ZBTB20: variants seen among roughly 807,000 people sequenced by gnomAD.
The protein encoded by ZBTB20 is zinc finger and BTB domain containing 20.
A neutral mutation model predicts 56.9 loss-of-function variants in ZBTB20; 9 were observed. That is an observed-to-expected ratio of 0.16 (90% CI 0.10 to 0.28). The LOEUF is 0.28. ZBTB20 is among the 10% of genes least tolerant of loss of function. The probability of loss-of-function intolerance (pLI) is 1.00; values close to 1 mark genes in which losing one functional copy is unlikely to be tolerated. For missense variants in ZBTB20, 655 were observed against 1,003.0 expected (o/e 0.65, Z 4.69); for synonymous variants, 417 against 420.7 (o/e 0.99, Z 0.11).
intron 5 of ZBTB20, among the ~76,000 whole-genome samples, chr3:114,708,224 T>C (rs1043087178): frequency 5.3e-5 from 8 of 152,176 alleles, no homozygotes; most frequent in Middle Eastern, 3.2e-3. Context: ...ACTCTAAGTG[T>C]TAACCTTAAG....
intron 4 of ZBTB20, among the ~76,000 whole-genome samples, chr3:114,883,297 C>T (rs1036334183): frequency 1.3e-5 from 2 of 152,122 alleles, no homozygotes; most frequent in African/African-American, 4.8e-5. Context: ...ATTGAATAAA[C>T]TAAATATTAT....
chr3:114,571,910 C>A lies in ZBTB20; in HGVS notation c.-294-71519G>T, dbSNP rs548867928. On this transcript the variant is annotated intron_variant, in intron 6 of 11. Transcript: ENST00000675478. ...TCTCTAATTCTATATCCAGCGACAG[C>A]CCTGCTGCTACACCTGTATACTCTG... Among the ~76,000 whole-genome samples, 82 of 152,260 alleles carry A rather than the reference C, an allele frequency of 5.4e-4. 2 individuals are homozygous for A. Among genetic ancestry groups the A allele is most frequent in the African/African-American group, 1.6e-3 (68 of 41,570 alleles).
chr3:115,086,174 G>C (rs1156768244), intron 1 of ZBTB20, among the ~76,000 whole-genome samples: 1 of 151,590 alleles, frequency 6.6e-6, no homozygotes, highest in Non-Finnish European at 1.5e-5. Context: ...ATTTGTCCCC[G>C]GGATTACCTA....
chr3:114,385,433 C>T (rs762902455), intron 8 of ZBTB20, among the ~76,000 whole-genome samples: 2 of 152,262 alleles, frequency 1.3e-5, no homozygotes, highest in Middle Eastern at 3.4e-3. Flanking sequence ...TAATACCTAC[C>T]GCTTAGGGTT....
At chr3:115,114,473 A>G (rs1442141662) in intron 1 of ZBTB20, among the ~76,000 whole-genome samples, 1 of 152,204 alleles carries the variant, frequency 6.6e-6, no homozygotes, top group East Asian at 1.9e-4. Context: ...GTAAATTTCC[A>G]TCTTCAGATG....
intron 3 of ZBTB20, among the ~76,000 whole-genome samples, chr3:114,944,456 T>A (rs567206763): frequency 6.9e-6 from 1 of 145,628 alleles, no homozygotes; most frequent in South Asian, 2.1e-4. Context: ...AACTACCATA[T>A]GATCCAGTAA....
intron 2 of ZBTB20, among the ~76,000 whole-genome samples, chr3:114,986,589 AT>A (rs1461679941): frequency 6.6e-6 from 1 of 152,084 alleles, no homozygotes; most frequent in East Asian, 1.9e-4. Flanking sequence ...ATTTACATCT[AT>A]TATAACAATT....
chr3:115,047,197 G>T (rs2081364137), intron 2 of ZBTB20, among the ~76,000 whole-genome samples: 1 of 152,176 alleles, frequency 6.6e-6, no homozygotes, highest in South Asian at 2.1e-4. Flanking sequence ...AATTCTGAAT[G>T]AAGTCTTTGT....
At chr3:114,703,868 T>C (rs2063547267) in intron 5 of ZBTB20, among the ~76,000 whole-genome samples, 1 of 152,208 alleles carries the variant, frequency 6.6e-6, no homozygotes, top group Admixed American at 6.5e-5. Context: ...TGTCTATATG[T>C]AGAAATAGGC....
chr3:114,395,307 A>G (rs900600943), intron 7 of ZBTB20, among the ~76,000 whole-genome samples: 1 of 152,144 alleles, frequency 6.6e-6, no homozygotes, highest in African/African-American at 2.4e-5. Context: ...TAGAAAGTGT[A>G]AGATAAGAAA....
chr3:114,369,109 T>C (rs1248321053), intron 10 of ZBTB20, among the ~76,000 whole-genome samples: 1 of 152,118 alleles, frequency 6.6e-6, no homozygotes, highest in East Asian at 1.9e-4. Flanking sequence ...AAATACCTGG[T>C]TAAGATATGA....
intron 6 of ZBTB20, among the ~76,000 whole-genome samples, chr3:114,566,598 C>T (rs891739902): frequency 1.3e-5 from 2 of 152,164 alleles, no homozygotes; most frequent in African/African-American, 4.8e-5. Context: ...TCCAATTCTG[C>T]TTTTATTAGT....
chr3:115,033,576 T>A (rs1030695318), intron 2 of ZBTB20, among the ~76,000 whole-genome samples: 64 of 151,770 alleles, frequency 4.2e-4, no homozygotes, highest in African/African-American at 1.5e-3. Context: ...TGCACTCTTA[T>A]ATTTGTTGCA....
At chr3:114,970,158 T>C (rs962180623) in intron 3 of ZBTB20, among the ~76,000 whole-genome samples, 1 of 152,186 alleles carries the variant, frequency 6.6e-6, no homozygotes, top group Non-Finnish European at 1.5e-5. Flanking sequence ...AGTGTATTAG[T>C]AACACTTCCT....
intron 6 of ZBTB20, among the ~76,000 whole-genome samples, chr3:114,679,939 G>T (rs781639121): frequency 6.6e-6 from 1 of 152,146 alleles, no homozygotes; most frequent in African/African-American, 2.4e-5. Context: ...ATATACACAT[G>T]GAATACTATG....
chr3:114,590,076 A>G (rs995188846), intron 6 of ZBTB20, among the ~76,000 whole-genome samples: 2 of 152,232 alleles, frequency 1.3e-5, no homozygotes, highest in Non-Finnish European at 2.9e-5. Flanking sequence ...GTGAAATGTG[A>G]TAAATTTTCC....
intron 3 of ZBTB20, among the ~76,000 whole-genome samples, chr3:114,913,656 G>T (rs779166810): frequency 7.9e-5 from 12 of 151,232 alleles, no homozygotes; most frequent in African/African-American, 9.7e-5. Context: ...TATTTGCCCA[G>T]TCAAATGTCC....
chr3:114,363,447 A>G (rs1280891603), intron 10 of ZBTB20, among the ~76,000 whole-genome samples: 1 of 152,212 alleles, frequency 6.6e-6, no homozygotes, highest in Non-Finnish European at 1.5e-5. Context: ...AGAAGATAAA[A>G]TATGTCCTTT....
chr3:114,864,826 A>T (rs1452847182), intron 4 of ZBTB20, among the ~76,000 whole-genome samples: 2 of 152,078 alleles, frequency 1.3e-5, no homozygotes, highest in African/African-American at 4.8e-5. Flanking sequence ...AATTTCTCCA[A>T]CCACTTGAGG....
Sources: allele counts gnomAD v4.1 joint callset (sites outside exome capture counted in the v4.1 genomes callset), GRCh38; gene constraint gnomAD v4.1.1; transcripts MANE v1.5; gene names NCBI Gene and HGNC (gene_info 2026-07-23, HGNC 2026-07-21).